The following SEMA6D variants were observed in gnomAD, a reference collection of about 807,000 sequenced individuals.
The protein encoded by SEMA6D is semaphorin 6D.
Under a neutral mutation model 106.6 loss-of-function variants are expected in SEMA6D, and 35 were observed. That is an observed-to-expected ratio of 0.33 (90% CI 0.25 to 0.44). The LOEUF is 0.44. Among genes scored for constraint, SEMA6D ranks in the 20% least tolerant of loss-of-function variants. The pLI, the probability that SEMA6D is intolerant of heterozygous loss-of-function variation, is 1.00. For synonymous variants in SEMA6D, 499 were observed against 487.7 expected, an observed-to-expected ratio of 1.02 and a Z score of -0.31; for missense variants, 1,185 against 1,345.9, an observed-to-expected ratio of 0.88 and a Z score of 1.87.
intron 1 of SEMA6D, among the ~76,000 whole-genome samples, chr15:47,299,544 T>G (rs1199954564): frequency 2.0e-5 from 3 of 152,226 alleles, no homozygotes; most frequent in African/African-American, 7.2e-5. Flanking sequence ...AGGAGGGCTT[T>G]CAGTTAAATG....
chr15:47,659,133 A>C (rs982932391), intron 4 of SEMA6D, among the ~76,000 whole-genome samples: 2 of 152,098 alleles, frequency 1.3e-5, no homozygotes, highest in Non-Finnish European at 2.9e-5. Flanking sequence ...GTCATGAAAA[A>C]ATTAACACAT....
intron 1 of SEMA6D, among the ~76,000 whole-genome samples, chr15:47,225,360 T>C (rs866375886): frequency 6.6e-6 from 1 of 151,822 alleles, no homozygotes; most frequent in African/African-American, 2.4e-5. Flanking sequence ...AGTAAGAGTG[T>C]TGTGGGATCC....
At chr15:47,514,170 T>C (rs992376747) in intron 3 of SEMA6D, among the ~76,000 whole-genome samples, 6 of 152,212 alleles carry the variant, frequency 3.9e-5, no homozygotes, top group Non-Finnish European at 7.3e-5. Context: ...CCAGCAAAAT[T>C]TGAGAAAGAA....
chr15:47,480,387 A>G (rs1450331964), intron 3 of SEMA6D, among the ~76,000 whole-genome samples: 1 of 151,964 alleles, frequency 6.6e-6, no homozygotes, highest in East Asian at 1.9e-4. Context: ...AAGTCGAATA[A>G]CCTCACCCTG....
intron 1 of SEMA6D, among the ~76,000 whole-genome samples, chr15:47,313,888 G>A (rs1425501007): frequency 6.6e-6 from 1 of 152,198 alleles, no homozygotes; most frequent in East Asian, 1.9e-4. Flanking sequence ...TATGAATAAA[G>A]ATACTATAAA....
intron 1 of SEMA6D, among the ~76,000 whole-genome samples, chr15:47,222,906 A>G (rs755752753): frequency 1.1e-4 from 16 of 152,172 alleles, no homozygotes; most frequent in African/African-American, 1.7e-4. Flanking sequence ...TGCAAATGTA[A>G]GCTGGGGCAA....
At chr15:47,575,601 C>A (rs1391234701) in intron 3 of SEMA6D, among the ~76,000 whole-genome samples, 1 of 152,130 alleles carries the variant, frequency 6.6e-6, no homozygotes, top group Non-Finnish European at 1.5e-5. Context: ...CGCCTGCAGT[C>A]CCATCTACCC....
intron 4 of SEMA6D, among the ~76,000 whole-genome samples, chr15:47,667,721 T>G (rs1416856758): frequency 6.6e-6 from 1 of 152,148 alleles, no homozygotes; most frequent in Non-Finnish European, 1.5e-5. Context: ...AGCTCACCAG[T>G]GTCTCTTTTA....
intron 4 of SEMA6D, among the ~76,000 whole-genome samples, chr15:47,650,661 C>T (rs2077670058): frequency 6.6e-6 from 1 of 152,088 alleles, no homozygotes; most frequent in African/African-American, 2.4e-5. Flanking sequence ...ATAGGAGAAA[C>T]AGTTATTCTA....
intron 1 of SEMA6D, among the ~76,000 whole-genome samples, chr15:47,741,669 G>C (rs987327775): frequency 6.6e-6 from 1 of 152,082 alleles, no homozygotes; most frequent in Admixed American, 6.6e-5. Context: ...AGCCGAGATC[G>C]TGCCATTGCG....
intron 1 of SEMA6D, among the ~76,000 whole-genome samples, chr15:47,357,686 A>T (rs1411630665): frequency 2.0e-5 from 3 of 152,116 alleles, no homozygotes; most frequent in Admixed American, 6.5e-5. Context: ...GTGCCCACCC[A>T]CATTAAGGGT....
rs1402662647 is a variant in SEMA6D, at chr15:47,761,764, A to T, written c.538+13A>T. ...GCCCTCTTTGCTGGTAAGATCCTTT[A>T]GCGTAATGAATATAAATGATTAATG... On this transcript the variant is annotated intron_variant, in intron 7 of 18. Transcript: ENST00000536845. 6.3e-7 allele frequency: 1 copy of T among 1,583,080 alleles called. No individual in the cohort carries two copies. The highest frequency in any genetic ancestry group is 8.6e-7 in the Non-Finnish European group (1 of 1,158,898).
intron 3 of SEMA6D, among the ~76,000 whole-genome samples, chr15:47,526,118 T>C (rs1486964731): frequency 2.0e-5 from 3 of 152,184 alleles, no homozygotes; most frequent in Non-Finnish European, 4.4e-5. Context: ...CTTCAATATG[T>C]GTATTTTAAT....
At chr15:47,730,282 T>G in intron 1 of SEMA6D, 1 of 1,534,998 alleles carries the variant, frequency 6.5e-7, no homozygotes. Flanking sequence ...TCCTGATAGC[T>G]TCCACCAGCT....
At chr15:47,643,311 C>G (rs2077523566) in intron 4 of SEMA6D, among the ~76,000 whole-genome samples, 1 of 152,196 alleles carries the variant, frequency 6.6e-6, no homozygotes, top group African/African-American at 2.4e-5. Context: ...TTTGGAAGAT[C>G]TGATGAACAG....
intron 3 of SEMA6D, among the ~76,000 whole-genome samples, chr15:47,551,318 A>G (rs1383023595): frequency 6.6e-6 from 1 of 151,988 alleles, no homozygotes; most frequent in Non-Finnish European, 1.5e-5. Flanking sequence ...GGCCTACTCC[A>G]TTTGGTTGGG....
chr15:47,495,879 A>G (rs1293844378), intron 3 of SEMA6D, among the ~76,000 whole-genome samples: 2 of 152,060 alleles, frequency 1.3e-5, no homozygotes, highest in African/African-American at 2.4e-5. Flanking sequence ...TTGAACATAC[A>G]AGTATTTTTC....
intron 1 of SEMA6D, among the ~76,000 whole-genome samples, chr15:47,193,284 A>G (rs12900855): frequency 0.14 from 21,183 of 152,204 alleles, 1,889 homozygotes; most frequent in South Asian, 0.18. Context: ...TATCCCTAAT[A>G]TGAAAATACA....
At chr15:47,570,908 T>C (rs1364455373) in intron 3 of SEMA6D, among the ~76,000 whole-genome samples, 1 of 152,226 alleles carries the variant, frequency 6.6e-6, no homozygotes, top group East Asian at 1.9e-4. Context: ...ATGCTCCATA[T>C]GTTTCAGATA....
Sources: gnomAD v4.1 joint callset for allele counts (sites outside exome capture counted in the v4.1 genomes callset) on GRCh38, gnomAD v4.1.1 for gene constraint, MANE v1.5 for transcripts, NCBI Gene and HGNC (gene_info 2026-07-23, HGNC 2026-07-21) for gene names.